Variants in SH3RF3 observed in about 807,000 individuals in gnomAD.
SH3RF3 encodes the protein E3 ubiquitin-protein ligase SH3RF3.
A neutral mutation model predicts 66.3 loss-of-function variants in SH3RF3; 29 were observed. The ratio of observed to expected loss-of-function variants is 0.44; its 90% confidence interval spans 0.33 to 0.60. SH3RF3 has a LOEUF of 0.60. SH3RF3 is among the 20% of genes least tolerant of loss of function. The probability of loss-of-function intolerance (pLI) is 0.04; values close to 1 mark genes in which losing one functional copy is unlikely to be tolerated. For synonymous variants in SH3RF3, 583 were observed against 532.0 expected, an observed-to-expected ratio of 1.10 and a Z score of -1.32; for missense variants, 1,194 against 1,190.9, an observed-to-expected ratio of 1.00 and a Z score of -0.04.
intron 1 of SH3RF3, among the ~76,000 whole-genome samples, chr2:109,213,935 A>G (rs796719668): frequency 5.3e-5 from 8 of 152,340 alleles, no homozygotes; most frequent in African/African-American, 1.9e-4. Context: ...AAGCTGACTC[A>G]GTGACTGCCC....
At chr2:109,215,572 G>GT (rs747734439) in intron 1 of SH3RF3, among the ~76,000 whole-genome samples, 16 of 152,110 alleles carry the variant, frequency 1.1e-4, no homozygotes, top group Non-Finnish European at 1.5e-4. Context: ...GTCTGATGTA[G>GT]TTTTTTGCCT....
chr2:109,465,621 G>T (rs1044195236), intron 8 of SH3RF3, among the ~76,000 whole-genome samples: 4 of 152,184 alleles, frequency 2.6e-5, no homozygotes, highest in African/African-American at 9.7e-5. Flanking sequence ...AAATACCTGA[G>T]ACTGGGTAGT....
At chr2:109,448,967 G>A (rs967108438) in intron 7 of SH3RF3, among the ~76,000 whole-genome samples, 6 of 152,170 alleles carry the variant, frequency 3.9e-5, no homozygotes, top group African/African-American at 1.4e-4. Flanking sequence ...TGATCCCTTG[G>A]GCTTTGGAAG....
intron 8 of SH3RF3, among the ~76,000 whole-genome samples, chr2:109,467,359 G>A (rs1327149047): frequency 6.6e-6 from 1 of 152,258 alleles, no homozygotes; most frequent in African/African-American, 2.4e-5. Flanking sequence ...CGCAAAATCG[G>A]CCAAGAGCCA....
chr2:109,450,815 G>A (rs1677846078), intron 8 of SH3RF3, among the ~76,000 whole-genome samples: 1 of 152,228 alleles, frequency 6.6e-6, no homozygotes, highest in African/African-American at 2.4e-5. Context: ...CTTGCTGCCT[G>A]AACGGTTTAG....
intron 1 of SH3RF3, among the ~76,000 whole-genome samples, chr2:109,344,038 C>T (rs1346079894): frequency 1.3e-5 from 2 of 152,182 alleles, no homozygotes; most frequent in Non-Finnish European, 2.9e-5. Context: ...GCCACCATAC[C>T]CGTCCCCAGA....
At chr2:109,195,629 T>G (rs1263534297) in intron 1 of SH3RF3, among the ~76,000 whole-genome samples, 1 of 152,206 alleles carries the variant, frequency 6.6e-6, no homozygotes, top group Non-Finnish European at 1.5e-5. Context: ...GATGCCTCTT[T>G]CCCCGCAGGC....
At chr2:109,280,802 T>A (rs944596867) in intron 1 of SH3RF3, among the ~76,000 whole-genome samples, 12 of 152,182 alleles carry the variant, frequency 7.9e-5, no homozygotes, top group Middle Eastern at 3.2e-3. Flanking sequence ...CTCTCTTCAT[T>A]TATTGAGCAC....
intron 2 of SH3RF3, among the ~76,000 whole-genome samples, chr2:109,371,281 TTG>T (rs1272638434): frequency 6.6e-6 from 1 of 152,226 alleles, no homozygotes. Context: ...TCCCAGCTAC[TTG>T]GAAGGCTGAG....
At chr2:109,467,940 C>T (rs1254405129) in intron 8 of SH3RF3, among the ~76,000 whole-genome samples, 2 of 152,216 alleles carry the variant, frequency 1.3e-5, no homozygotes, top group Non-Finnish European at 2.9e-5. Flanking sequence ...TGAACATGCT[C>T]CACCTCCATG....
rs775843706 is a variant in SH3RF3 at position 109,432,625 on chromosome 2, G to A, written c.1528G>A (p.Gly510Arg). 1.2e-5 allele frequency: 19 copies of A among 1,612,588 alleles called. No individual in the cohort carries two copies. Among genetic ancestry groups the A allele is most frequent in the South Asian group, 7.7e-5 (7 of 90,684 alleles). Residue 510 changes from glycine (G) to arginine (R), a missense_variant, in exon 6 of 10, where the codon GGG becomes AGG. Gly to Arg is a moderately radical substitution (Grantham distance 125). Coordinates refer to ENST00000309415, the MANE Select transcript of SH3RF3 (RefSeq NM_001099289.3). ...GWFKGASLRT[G>R]VSGVFPGNYV... is the part of the protein sequence containing the mutation. ...GTTCAAGGGGGCGTCTCTGAGGACC[G>A]GGGTCTCTGGGGTGTTCCCCGGAAA...
intron 2 of SH3RF3, among the ~76,000 whole-genome samples, 166 bp from the exon 3 acceptor site, chr2:109,371,420 G>A (rs1683268143): frequency 6.6e-6 from 1 of 152,306 alleles, no homozygotes; most frequent in Admixed American, 6.5e-5. Flanking sequence ...GAAAGAGAGG[G>A]TGCTCCTGGG....
intron 1 of SH3RF3, among the ~76,000 whole-genome samples, chr2:109,181,125 G>A (rs555812417): frequency 1.3e-5 from 2 of 152,204 alleles, no homozygotes; most frequent in Non-Finnish European, 2.9e-5. Context: ...GATGGCTCAG[G>A]AAGGTCCTTC....
chr2:109,161,819 T>A (rs1677496431), intron 1 of SH3RF3, among the ~76,000 whole-genome samples: 1 of 151,940 alleles, frequency 6.6e-6, no homozygotes, highest in Admixed American at 6.6e-5. Context: ...TCATAGGGGA[T>A]GCAAATACCT....
At chr2:109,165,702 A>G (rs1677603150) in intron 1 of SH3RF3, among the ~76,000 whole-genome samples, 1 of 152,208 alleles carries the variant, frequency 6.6e-6, no homozygotes, top group South Asian at 2.1e-4. Flanking sequence ...GCCTGGTGGT[A>G]TGGACGAGTG....
At chr2:109,393,822 C>T (rs1676067533) in intron 3 of SH3RF3, among the ~76,000 whole-genome samples, 1 of 152,044 alleles carries the variant, frequency 6.6e-6, no homozygotes. Context: ...CACTGCTCTT[C>T]TTTTCATGTT....
At chr2:109,398,520 G>A in intron 3 of SH3RF3, 70 bp from the exon 4 acceptor site, 1 of 1,335,254 alleles carries the variant, frequency 7.5e-7, no homozygotes, top group Middle Eastern at 1.8e-4. Context: ...GTGGCCTGGA[G>A]AGTGCAGAGG....
At chr2:109,304,813 C>T (rs1458376845) in intron 1 of SH3RF3, among the ~76,000 whole-genome samples, 2 of 152,102 alleles carry the variant, frequency 1.3e-5, no homozygotes, top group Admixed American at 1.3e-4. Flanking sequence ...CTGTGAATTG[C>T]TAGATTAGAC....
chr2:109,388,845 G>C (rs573384660), intron 3 of SH3RF3, among the ~76,000 whole-genome samples: 3 of 150,368 alleles, frequency 2.0e-5, no homozygotes, highest in East Asian at 1.9e-4. Flanking sequence ...TAGAGAGAAG[G>C]GGGTATAGAG....
Sources: gnomAD v4.1 joint callset for allele counts (sites outside exome capture counted in the v4.1 genomes callset) on GRCh38, gnomAD v4.1.1 for gene constraint, MANE v1.5 for transcripts, NCBI Gene and HGNC (gene_info 2026-07-23, HGNC 2026-07-21) for gene names.